COL19A1: variants seen among roughly 807,000 people sequenced by gnomAD.
The protein encoded by COL19A1 is collagen alpha-1(XIX) chain.
COL19A1 carries 159 observed loss-of-function variants against 190.2 expected under a neutral mutation model. The observed-to-expected ratio is 0.84, with a 90% confidence interval of 0.73 to 0.95. The LOEUF is 0.95. Ranked by LOEUF, COL19A1 falls within the 40% of genes least tolerant of loss-of-function variation. The pLI is 0.00. For synonymous variants in COL19A1, 509 were observed against 458.9 expected (o/e 1.11, Z -1.39); for missense variants, 1,418 against 1,431.9 (o/e 0.99, Z 0.16).
intron 14 of COL19A1, among the ~76,000 whole-genome samples, chr6:70,059,473 C>A (rs992651461): frequency 6.6e-6 from 1 of 152,122 alleles, no homozygotes; most frequent in Non-Finnish European, 1.5e-5. Context: ...TAAGTAATTT[C>A]TCAGTTAAAT....
intron 15 of COL19A1, among the ~76,000 whole-genome samples, chr6:70,081,815 C>G (rs1487144443): frequency 6.6e-6 from 1 of 151,998 alleles, no homozygotes; most frequent in African/African-American, 2.4e-5. Flanking sequence ...TTTATTCTTA[C>G]TTTTTTAAAA....
chr6:69,972,809 C>A (rs1034188080), intron 11 of COL19A1, among the ~76,000 whole-genome samples: 1 of 152,124 alleles, frequency 6.6e-6, no homozygotes, highest in Non-Finnish European at 1.5e-5. Flanking sequence ...CTATTTAGCT[C>A]ATAATTCTAT....
intron 6 of COL19A1, among the ~76,000 whole-genome samples, chr6:69,931,123 G>A (rs1368161859): frequency 6.6e-6 from 1 of 152,040 alleles, no homozygotes; most frequent in African/African-American, 2.4e-5. Context: ...ATCTGTTATG[G>A]TGTGAAAATG....
At chr6:69,928,959 A>G (rs1423010876) in intron 5 of COL19A1, among the ~76,000 whole-genome samples, 3 of 152,108 alleles carry the variant, frequency 2.0e-5, no homozygotes, top group African/African-American at 4.8e-5. Flanking sequence ...CAAAGTATCA[A>G]TGGTGAAAGA....
chr6:69,928,599 T>G (rs925562150), intron 5 of COL19A1, among the ~76,000 whole-genome samples: 2 of 152,090 alleles, frequency 1.3e-5, no homozygotes, highest in African/African-American at 4.8e-5. Flanking sequence ...ATAGCATAAT[T>G]ATGTTGAACA....
At chr6:69,982,432 G>A (rs1284709672) in intron 11 of COL19A1, among the ~76,000 whole-genome samples, 1 of 151,780 alleles carries the variant, frequency 6.6e-6, no homozygotes, top group Non-Finnish European at 1.5e-5. Flanking sequence ...GTGGAGATGG[G>A]GTTTCACTAT....
At chr6:70,076,775 T>A (rs1244245775) in intron 15 of COL19A1, among the ~76,000 whole-genome samples, 1 of 152,196 alleles carries the variant, frequency 6.6e-6, no homozygotes, top group Non-Finnish European at 1.5e-5. Context: ...AAATATTACC[T>A]ACTTAGCCAC....
At chr6:70,196,963 T>C (rs981113745) in intron 48 of COL19A1, among the ~76,000 whole-genome samples, 8 of 152,230 alleles carry the variant, frequency 5.3e-5, no homozygotes, top group Non-Finnish European at 1.0e-4. Flanking sequence ...CAAAGCCAGA[T>C]AATTTACAGC....
chr6:70,113,172 T>G (rs1017053700), intron 16 of COL19A1, among the ~76,000 whole-genome samples: 12 of 152,188 alleles, frequency 7.9e-5, no homozygotes, highest in African/African-American at 2.4e-4. Flanking sequence ...GACAAGATCA[T>G]GGATCACAGC....
chr6:69,944,418 C>T (rs1773662102), intron 9 of COL19A1, among the ~76,000 whole-genome samples: 1 of 152,084 alleles, frequency 6.6e-6, no homozygotes, highest in South Asian at 2.1e-4. Context: ...ATCAACTCAG[C>T]TATTTCTAGA....
Position 70,142,808 on chromosome 6 carries a change from G to A in COL19A1, c.1614G>A (p.Pro538=), listed in dbSNP as rs138804129. ...CAGGCTCCATGGGACCCAGAGGACC[G>A]CCAGGAGATGTTGTATGTATAATGT... The part of the protein sequence containing the change: ...GSAGSMGPRG[P]PGDVGLPGEH... The change falls in exon 23 of 51, where the codon CCG becomes CCA. Residue 538 remains proline, a synonymous_variant. Coordinates refer to ENST00000620364, the MANE Select transcript of COL19A1 (RefSeq NM_001858.6). 3.7e-5 allele frequency: 59 copies of A among 1,611,796 alleles called. No homozygotes were observed. Among genetic ancestry groups the A allele is most frequent in the Middle Eastern group, 1.6e-4 (1 of 6,068 alleles).
intron 15 of COL19A1, among the ~76,000 whole-genome samples, chr6:70,098,124 A>G (rs1783398839): frequency 6.6e-6 from 1 of 152,176 alleles, no homozygotes; most frequent in African/African-American, 2.4e-5. Context: ...CCCTGGCCCC[A>G]GCTATCCTCA....
intron 12 of COL19A1, among the ~76,000 whole-genome samples, chr6:70,031,251 T>G (rs912804037): frequency 6.6e-6 from 1 of 152,012 alleles, no homozygotes; most frequent in Non-Finnish European, 1.5e-5. Flanking sequence ...TTTTTTAATT[T>G]GAGCAAATTC....
rs1304294678 is a variant in COL19A1, at chr6:69,932,842, T to C, written c.726T>C (p.Cys242=). ...CAAACCTCATAGCTCAAGAAACATG[T>C]TGTGAAATATCAGATACTAAGGTAA... is the stretch of plus-strand genomic sequence containing the variant. ...CSANLIAQET[C]CEISDTKCPE... Residue 242 remains cysteine, a synonymous_variant, in exon 7 of 51, where the codon TGT becomes TGC. Coordinates refer to ENST00000620364, the MANE Select transcript of COL19A1 (RefSeq NM_001858.6). 2 of 1,606,934 alleles carry C rather than the reference T, an allele frequency of 1.2e-6. No individual in the cohort carries two copies. Among genetic ancestry groups the C allele is most frequent in the South Asian group, 1.1e-5 (1 of 90,236 alleles).
At position 70,149,748 on chromosome 6, in the gene COL19A1, T is replaced by C; in HGVS notation, c.1929+9T>C. The C allele has an allele frequency of 6.2e-7, 1 of 1,613,626 alleles. No individual in the cohort carries two copies. The highest frequency in any genetic ancestry group is 2.2e-5 in the East Asian group (1 of 44,832). ...GAGAGCCAGGTATTCAGGTAAGCTA[T>C]TTAACTAATTTTTTAGCACAGCAAA... On this transcript the variant is annotated intron_variant, in intron 28 of 50. Transcript: ENST00000620364.
intron 11 of COL19A1, among the ~76,000 whole-genome samples, chr6:70,021,600 T>C (rs1272453379): frequency 2.0e-5 from 3 of 152,156 alleles, no homozygotes; most frequent in African/African-American, 7.2e-5. Context: ...TTTTCTTCTG[T>C]GTATTTGTGA....
chr6:70,020,853 A>G (rs76875964), intron 11 of COL19A1, among the ~76,000 whole-genome samples: 15,104 of 152,152 alleles, frequency 0.099, 808 homozygotes, highest in East Asian at 0.2. Flanking sequence ...TAGTTGATAG[A>G]TCAATAGATA....
At chr6:70,133,772 C>A (rs1276158307) in intron 18 of COL19A1, among the ~76,000 whole-genome samples, 1 of 152,088 alleles carries the variant, frequency 6.6e-6, no homozygotes, top group Non-Finnish European at 1.5e-5. Flanking sequence ...ACTGAACATT[C>A]AATTTAAATA....
chr6:69,907,448 T>C (rs145997129), intron 4 of COL19A1, among the ~76,000 whole-genome samples: 2 of 152,292 alleles, frequency 1.3e-5, no homozygotes, highest in East Asian at 1.9e-4. Context: ...TCATTATAAA[T>C]AACACTACAA....
Sources: gnomAD v4.1 joint callset for allele counts (sites outside exome capture counted in the v4.1 genomes callset) on GRCh38, gnomAD v4.1.1 for gene constraint, MANE v1.5 for transcripts, NCBI Gene and HGNC (gene_info 2026-07-23, HGNC 2026-07-21) for gene names.